The following SPRED2 variants were observed in gnomAD, a reference collection of about 807,000 sequenced individuals.
The protein encoded by SPRED2 is sprouty related EVH1 domain containing 2, also known as sprouty-related, EVH1 domain-containing protein 2.
A neutral mutation model predicts 43.0 loss-of-function variants in SPRED2; 47 were observed. That is an observed-to-expected ratio of 1.09 (90% confidence interval 0.87 to 1.40). The LOEUF (loss-of-function observed/expected upper bound fraction) is 1.40. Ranked by LOEUF, SPRED2 falls within the 40% of genes most tolerant of loss-of-function variation. The pLI is 0.00. For missense variants in SPRED2, 561 were observed against 586.4 expected (o/e 0.96, Z 0.45); for synonymous variants, 225 against 225.7 (o/e 1.00, Z 0.03).
At chr2:65,375,731 C>T (rs1675223268) in intron 1 of SPRED2, among the ~76,000 whole-genome samples, 1 of 152,218 alleles carries the variant, frequency 6.6e-6, no homozygotes, top group African/African-American at 2.4e-5. Context: ...TTTTTCAGAA[C>T]ACTTTTAAAC....
intron 1 of SPRED2, among the ~76,000 whole-genome samples, chr2:65,418,501 T>C (rs537456632): frequency 4.6e-5 from 7 of 152,250 alleles, no homozygotes; most frequent in African/African-American, 1.4e-4. Flanking sequence ...AAGTGAACTC[T>C]CCCCTGGCTG....
At chr2:65,373,116 G>A (rs1675167984) in intron 1 of SPRED2, among the ~76,000 whole-genome samples, 1 of 151,744 alleles carries the variant, frequency 6.6e-6, no homozygotes, top group Admixed American at 6.6e-5. Context: ...CATAATTAAT[G>A]GAGTTAGAAA....
intron 4 of SPRED2, among the ~76,000 whole-genome samples, chr2:65,325,575 C>G (rs952094786): frequency 1.3e-5 from 2 of 152,072 alleles, no homozygotes; most frequent in African/African-American, 2.4e-5. Flanking sequence ...ATGTGCAATG[C>G]CTCTCACCTG....
intron 1 of SPRED2, among the ~76,000 whole-genome samples, chr2:65,360,933 T>C (rs1293138335): frequency 6.6e-6 from 1 of 152,250 alleles, no homozygotes; most frequent in Non-Finnish European, 1.5e-5. Flanking sequence ...GGAGCATTTC[T>C]GCAGTCCTTA....
At position 65,334,765 on chromosome 2, in the gene SPRED2, C is replaced by T. The variant is rs760673102; in HGVS notation, c.213G>A (p.Leu71=). 6.2e-7 allele frequency: 1 copy of T among 1,614,012 alleles called. No individual in the cohort carries two copies. The highest frequency in any genetic ancestry group is 1.3e-5 in the African/African-American group (1 of 74,914). The change falls in exon 3 of 6, where the codon TTG becomes TTA. Residue 71 remains leucine, a synonymous_variant. Transcript: ENST00000356388. Reference sequence around the variant, plus strand: ...CCAAGTCCTTTCTTACATAGCATTCCAATACCACCTGAAGGATGGAAACAC... The same window carrying T: ...CCAAGTCCTTTCTTACATAGCATTCTAATACCACCTGAAGGATGGAAACAC... ...GERQKDKLVV[L]ECYVRKDLVY... is the part of the protein sequence containing the mutation.
At chr2:65,430,974 G>A (rs981814664) in intron 1 of SPRED2, among the ~76,000 whole-genome samples, 6 of 152,034 alleles carry the variant, frequency 3.9e-5, no homozygotes, top group Admixed American at 1.3e-4. Flanking sequence ...GTCGGGCCCC[G>A]CGGCCCCGCC....
chr2:65,313,563 C>G lies in SPRED2; in HGVS notation c.1195G>C (p.Ala399Pro). Residue 399 changes from alanine (A) to proline (P), a missense_variant, in exon 6 of 6, where the codon GCC (alanine) becomes CCC (proline). Ala to Pro is a conservative substitution (Grantham distance 27). This residue lies in a region of SPRED2 where 65 missense variants were observed against 60.2 expected (regional missense o/e 1.08). Coordinates refer to ENST00000356388, the MANE Select transcript of SPRED2 (RefSeq NM_181784.3). ...CACATCACTCCGCAGTGGTAGCAGG[C>G]CCGAAGGGGCAGGTAACAGCACATA... ...PCMCCYLPLR[A>P]CYHCGVMCRC... 6.2e-7 allele frequency: 1 copy of G among 1,613,918 alleles called. No individual in the cohort carries two copies. Among genetic ancestry groups the G allele is most frequent in the Non-Finnish European group, 8.5e-7 (1 of 1,179,886 alleles).
intron 1 of SPRED2, among the ~76,000 whole-genome samples, chr2:65,414,116 A>T (rs1676221483): frequency 6.6e-6 from 1 of 152,252 alleles, no homozygotes; most frequent in Non-Finnish European, 1.5e-5. Flanking sequence ...TCTTAAAAAA[A>T]TTAAAAAGGT....
At position 65,392,175 on chromosome 2, in the gene SPRED2, C is replaced by CTTT. The variant is rs70943649; in HGVS notation, c.26+39784_26+39786dup. Reference sequence around the variant, plus strand: ...TCCTCTGTCATTTCTTCCAGAATTTCTTTTTTTTTTTTTTTTTTTTTGGAG... The same window carrying CTTT: ...TCCTCTGTCATTTCTTCCAGAATTTCTTTTTTTTTTTTTTTTTTTTTTTTGGAG... On this transcript the variant is annotated intron_variant, in intron 1 of 5. Transcript: ENST00000356388. Among the ~76,000 whole-genome samples, 160 of 98,698 alleles carry CTTT rather than the reference C, an allele frequency of 1.6e-3. 1 individual carries two copies. Among genetic ancestry groups the CTTT allele is most frequent in the Non-Finnish European group, 2.3e-3 (111 of 48,442 alleles). 64.7% of individuals were successfully genotyped at this position (98,698 alleles called of 152,430 possible).
chr2:65,317,028 G>T, intron 4 of SPRED2, 145 bp from the exon 5 acceptor site: 2 of 845,716 alleles, frequency 2.4e-6, no homozygotes, highest in South Asian at 1.7e-5. Flanking sequence ...AGTTTGTCTT[G>T]GCTACAACAG....
At position 65,376,313 on chromosome 2, in the gene SPRED2, G is replaced by A. The variant is rs1394966948; in HGVS notation, c.27-31417C>T. Among the ~76,000 whole-genome samples, 5 of 152,308 alleles carry A rather than the reference G, an allele frequency of 3.3e-5. No homozygotes were observed. In the East Asian group the frequency reaches 9.6e-4, roughly 29 times the overall value. ...GGAAGAACAGGGCACGGCATTCCAT[G>A]GGTCCGTTTCAGAGCAGATTCTGGA... On this transcript the variant is annotated intron_variant, in intron 1 of 5. Transcript: ENST00000356388.
At chr2:65,327,708 T>C (rs2104182133) in intron 4 of SPRED2, among the ~76,000 whole-genome samples, 1 of 142,036 alleles carries the variant, frequency 7.0e-6, no homozygotes, top group South Asian at 2.2e-4. Flanking sequence ...TTCTTTTCTT[T>C]CTTTCTTTTT....
chr2:65,350,150 C>T (rs936450222), intron 1 of SPRED2, among the ~76,000 whole-genome samples: 13 of 152,188 alleles, frequency 8.5e-5, no homozygotes, highest in African/African-American at 3.1e-4. Flanking sequence ...CCCACCTTCC[C>T]TCCCCCTCTT....
intron 4 of SPRED2, 106 bp downstream of exon 4, chr2:65,331,880 AG>A: frequency 1.2e-6 from 1 of 821,974 alleles, no homozygotes; most frequent in South Asian, 1.7e-5. Context: ...CCATCCAAAC[AG>A]CAACAGCAAA....
rs1015981996 is a variant in SPRED2 at position 65,312,403 on chromosome 2, T to C, written c.*1098A>G. ...AATGCAACCCACCACTCTTCAAATT[T>C]ATGACATTTAAAAATCCCCTCTCCC... On this transcript the variant is annotated 3_prime_UTR_variant, in exon 6 of 6. Coordinates refer to ENST00000356388, the MANE Select transcript of SPRED2 (RefSeq NM_181784.3). 6 of 985,248 alleles carry C rather than the reference T, an allele frequency of 6.1e-6. No individual in the cohort carries two copies. Among genetic ancestry groups the C allele is most frequent in the Middle Eastern group, 5.2e-4 (1 of 1,936 alleles). The allele number at this position is 985,248 out of a possible 1,614,324, so 61.0% of individuals were successfully genotyped here.
At chr2:65,319,727 C>T (rs1673357103) in intron 4 of SPRED2, among the ~76,000 whole-genome samples, 1 of 151,494 alleles carries the variant, frequency 6.6e-6, no homozygotes, top group African/African-American at 2.5e-5. Flanking sequence ...GTGTGCCAGG[C>T]CCTGAGCTAC....
At chr2:65,420,940 C>T (rs1456889943) in intron 1 of SPRED2, among the ~76,000 whole-genome samples, 1 of 152,234 alleles carries the variant, frequency 6.6e-6, no homozygotes, top group Non-Finnish European at 1.5e-5. Context: ...AACACAACCA[C>T]TTCCTCTTTC....
At chr2:65,419,577 T>TTGTG (rs10541896) in intron 1 of SPRED2, among the ~76,000 whole-genome samples, 2,587 of 148,922 alleles carry the variant, frequency 0.017, 27 homozygotes, top group African/African-American at 0.037. Flanking sequence ...GGGATTATAG[T>TTGTG]TGTGTGTGTG....
chr2:65,311,392 G>A lies in SPRED2; in HGVS notation c.*2109C>T. ...GGGTGGAAAAGGACAAGGGGTGAAA[G>A]AAGAGAGAAACAGGTAACAACTAAA... On this transcript the variant is annotated 3_prime_UTR_variant, in exon 6 of 6. Transcript: ENST00000356388. The A allele has an allele frequency of 1.0e-6, 1 of 985,910 alleles. No individual in the cohort carries two copies. Among genetic ancestry groups the A allele is most frequent in the Non-Finnish European group, 1.2e-6 (1 of 829,942 alleles). 61.1% of individuals were successfully genotyped at this position (985,910 alleles called of 1,614,324 possible). A position where few individuals can be genotyped will look rare whatever the true frequency, so the allele number is the denominator to read the frequency against.
Sources: allele counts gnomAD v4.1 joint callset (sites outside exome capture counted in the v4.1 genomes callset), GRCh38; gene constraint gnomAD v4.1.1; regional missense constraint gnomAD v4.1.1; transcripts MANE v1.5; gene names NCBI Gene and HGNC (gene_info 2026-07-23, HGNC 2026-07-21).